The following KLF8 variants were observed in gnomAD, a reference collection of about 807,000 sequenced individuals.
KLF8 encodes KLF transcription factor 8.
In KLF8, 10 loss-of-function variants were observed where a neutral mutation model predicts 18.2. That is an observed-to-expected ratio of 0.55 (90% CI 0.34 to 0.93). KLF8 has a LOEUF of 0.93. Among genes scored for constraint, KLF8 ranks in the 40% least tolerant of loss-of-function variants. The pLI is 0.02. For missense variants in KLF8, 264 were observed against 277.9 expected, an observed-to-expected ratio of 0.95 and a Z score of 0.36; for synonymous variants, 109 against 97.3, an observed-to-expected ratio of 1.12 and a Z score of -0.71.
At chrX:56,250,670 C>A (rs904891132) in intron 2 of KLF8, among the ~76,000 whole-genome samples, 1 of 111,370 alleles carries the variant, frequency 9.0e-6, no homozygotes, top group African/African-American at 3.3e-5. Flanking sequence ...AATTAGTATT[C>A]TCCAGAGAAA....
chrX:56,174,017 G>T, the KLF8 span, among the ~76,000 whole-genome samples: 2 of 111,826 alleles, frequency 1.8e-5, no homozygotes, highest in Middle Eastern at 4.6e-3. Flanking sequence ...GGGTTTTCTA[G>T]ATATACAATC....
chrX:55,948,017 A>C, the KLF8 span, among the ~76,000 whole-genome samples: 1 of 112,119 alleles, frequency 8.9e-6, no homozygotes, highest in Non-Finnish European at 1.9e-5. Context: ...GGTGTATTAG[A>C]TGTTGAAAAT....
the KLF8 span, among the ~76,000 whole-genome samples, chrX:56,189,207 G>A: frequency 5.4e-5 from 6 of 111,529 alleles, no homozygotes; most frequent in East Asian, 5.6e-4. Flanking sequence ...AAAAGTGGAC[G>A]AAGGACATGA....
At chrX:56,024,471 G>A in the KLF8 span, among the ~76,000 whole-genome samples, 1 of 111,502 alleles carries the variant, frequency 9.0e-6, no homozygotes, top group Non-Finnish European at 1.9e-5. Flanking sequence ...GCAGCAGGAC[G>A]AGCCACGGAC....
the KLF8 span, among the ~76,000 whole-genome samples, chrX:56,064,034 A>G: frequency 1.8e-5 from 2 of 108,472 alleles, no homozygotes; most frequent in Admixed American, 2.0e-4. Flanking sequence ...GTGCATGTGT[A>G]TATAATACAT....
the KLF8 span, among the ~76,000 whole-genome samples, chrX:56,058,300 A>ACATATATATATATATG: frequency 2.7e-5 from 2 of 74,160 alleles, no homozygotes; most frequent in African/African-American, 9.9e-5. Flanking sequence ...ATATATATAT[A>ACATATATATATATATG]TATATATATA....
the KLF8 span, among the ~76,000 whole-genome samples, chrX:56,172,233 ATC>A: frequency 9.1e-6 from 1 of 110,352 alleles, no homozygotes; most frequent in Non-Finnish European, 1.9e-5. Flanking sequence ...CATTAGGTAT[ATC>A]TCCTAATGCT....
At chrX:55,965,694 A>G in the KLF8 span, among the ~76,000 whole-genome samples, 1 of 112,396 alleles carries the variant, frequency 8.9e-6, no homozygotes, top group South Asian at 3.7e-4. Flanking sequence ...ATGTTTCAGG[A>G]TACAAAATCA....
chrX:56,268,898 C>T (rs1446227716), intron 3 of KLF8: 2 of 942,009 alleles, frequency 2.1e-6, no homozygotes, highest in Non-Finnish European at 2.7e-6. Context: ...ATCTCATTGA[C>T]TTATTTCTGT....
the KLF8 span, among the ~76,000 whole-genome samples, chrX:56,137,535 C>T: frequency 1.0e-5 from 1 of 100,444 alleles, no homozygotes; most frequent in Non-Finnish European, 2.0e-5. Context: ...TATTCTCACT[C>T]ATAGGCGGGA....
At chrX:56,243,825 C>T (rs984002701) in intron 1 of KLF8, among the ~76,000 whole-genome samples, 4 of 110,797 alleles carry the variant, frequency 3.6e-5, no homozygotes, top group African/African-American at 6.6e-5. Context: ...TGAGCCACCA[C>T]GCCCGGCCCA....
the KLF8 span, among the ~76,000 whole-genome samples, chrX:56,012,079 G>A: frequency 8.9e-6 from 1 of 112,036 alleles, no homozygotes; most frequent in East Asian, 2.8e-4. Flanking sequence ...TTGAAAAGGA[G>A]TGACCCCTCC....
intron 2 of KLF8, among the ~76,000 whole-genome samples, chrX:56,263,727 A>G (rs1445449542): frequency 8.9e-6 from 1 of 112,264 alleles, no homozygotes; most frequent in Admixed American, 9.4e-5. Flanking sequence ...ATTCATTAAT[A>G]TTGTCCAATA....
At chrX:56,206,551 C>G in the KLF8 span, among the ~76,000 whole-genome samples, 7 of 112,448 alleles carry the variant, frequency 6.2e-5, no homozygotes, top group African/African-American at 1.9e-4. Flanking sequence ...AAAATGATCT[C>G]CTTTGATTCC....
intron 2 of KLF8, among the ~76,000 whole-genome samples, chrX:56,251,739 G>T (rs1602427634): frequency 9.0e-6 from 1 of 110,867 alleles, no homozygotes; most frequent in South Asian, 3.8e-4. Flanking sequence ...GGGTTTATAG[G>T]TGTGAGCCAC....
the KLF8 span, among the ~76,000 whole-genome samples, chrX:55,934,943 C>G: frequency 9.0e-6 from 1 of 111,350 alleles, no homozygotes; most frequent in Admixed American, 9.6e-5. Context: ...TCCAACTCTT[C>G]TAGTGGCCAA....
the KLF8 span, among the ~76,000 whole-genome samples, chrX:56,172,303 G>C: frequency 9.1e-6 from 1 of 110,340 alleles, no homozygotes; most frequent in African/African-American, 3.3e-5. Flanking sequence ...TCCCCTTCCT[G>C]TGTCCATGTG....
chrX:55,953,294 G>A, the KLF8 span, among the ~76,000 whole-genome samples: 1 of 111,326 alleles, frequency 9.0e-6, no homozygotes, highest in African/African-American at 3.3e-5. Context: ...ATGACAGGAA[G>A]TGAGGATGCC....
chrX:56,124,493 A>G, the KLF8 span, among the ~76,000 whole-genome samples: 4 of 112,295 alleles, frequency 3.6e-5, no homozygotes, highest in East Asian at 2.8e-4. Context: ...TGAATCGTTT[A>G]TCAATTTCTG....
Sources: allele counts gnomAD v4.1 joint callset (sites outside exome capture counted in the v4.1 genomes callset), GRCh38; gene constraint gnomAD v4.1.1; transcripts MANE v1.5; gene names NCBI Gene and HGNC (gene_info 2026-07-23, HGNC 2026-07-21).